The following MTSS1 variants were observed in gnomAD, a reference collection of about 807,000 sequenced individuals.
MTSS1 encodes MTSS I-BAR domain containing 1.
In MTSS1, 18 loss-of-function variants were observed where a neutral mutation model predicts 79.0. The ratio of observed to expected loss-of-function variants is 0.23; its 90% CI spans 0.16 to 0.34. The LOEUF is 0.34. Ranked by LOEUF, MTSS1 falls within the 10% of genes least tolerant of loss-of-function variation. The pLI is 1.00. For missense variants in MTSS1, 815 were observed against 986.2 expected (o/e 0.83, Z 2.33); for synonymous variants, 341 against 368.6 (o/e 0.93, Z 0.86).
intron 3 of MTSS1, among the ~76,000 whole-genome samples, chr8:124,624,772 G>T (rs1217637611): frequency 6.6e-6 from 1 of 152,220 alleles, no homozygotes; most frequent in African/African-American, 2.4e-5. Context: ...ATGCGAAACT[G>T]AAGCTGACTC....
rs59332225 is a variant in MTSS1, at chr8:124,656,781, CAAAAAAA to C, written c.208+42738_208+42744del. Reference sequence around the variant, plus strand: ...CAAAAGAGTGAGTGAGACTCCATCTCAAAAAAAAAAAAAAAAAAGAAAAAAGAAAAAA... The same window carrying C: ...CAAAAGAGTGAGTGAGACTCCATCTCAAAAAAAAAAAGAAAAAAGAAAAAA... On this transcript the variant is annotated intron_variant, in intron 3 of 13. Coordinates refer to ENST00000518547, the MANE Select transcript of MTSS1 (RefSeq NM_014751.6). Among the ~76,000 whole-genome samples the C allele has an allele frequency of 3.6e-3, 186 of 51,678 alleles. 1 individual carries two copies. The highest frequency in any genetic ancestry group is 9.5e-3 in the African/African-American group (167 of 17,584). The allele number at this position is 51,678 out of a possible 152,430, so 33.9% of individuals were successfully genotyped here. A position where few individuals can be genotyped will look rare whatever the true frequency, so the allele number is the denominator to read the frequency against.
chr8:124,579,939 C>A (rs1034435742), intron 6 of MTSS1: 10 of 152,386 alleles, frequency 6.6e-5, no homozygotes, highest in African/African-American at 2.4e-4. Context: ...TGAAGTTCAA[C>A]ATTCAGTCAA....
At chr8:124,555,928 C>G (rs748251738) in intron 12 of MTSS1, 24 bp from the exon 13 acceptor site, 1 of 1,581,666 alleles carries the variant, frequency 6.3e-7, no homozygotes, top group Non-Finnish European at 8.6e-7. Context: ...GAGAGAAATA[C>G]ACAGGTTGCT....
intron 3 of MTSS1, among the ~76,000 whole-genome samples, chr8:124,660,748 C>T (rs1355721664): frequency 2.0e-5 from 3 of 152,200 alleles, no homozygotes; most frequent in Admixed American, 6.5e-5. Context: ...GAATGTGGTA[C>T]AGCTTTCATG....
In MTSS1 at chr8:124,556,072, G is replaced by T. The variant is rs918086520; in HGVS notation, c.1404+160C>A. 4.5e-6 allele frequency: 7 copies of T among 1,543,396 alleles called. No homozygotes were observed. The African/African-American group carries it at 5.5e-5, about 12-fold the overall frequency. On this transcript the variant is annotated intron_variant, in intron 12 of 13. Coordinates refer to ENST00000518547, the MANE Select transcript of MTSS1 (RefSeq NM_014751.6). ...TCTGCCTCTCTCATTCCCACACAAG[G>T]TTTTTTTCCCAGGGACTTTGCTGTA...
At chr8:124,601,242 A>G (rs1204003700) in intron 3 of MTSS1, among the ~76,000 whole-genome samples, 1 of 151,876 alleles carries the variant, frequency 6.6e-6, no homozygotes, top group Admixed American at 6.6e-5. Flanking sequence ...TTGTATTTTT[A>G]GTAGAGACGG....
chr8:124,616,725 C>T (rs749465386), intron 3 of MTSS1, among the ~76,000 whole-genome samples: 1 of 152,180 alleles, frequency 6.6e-6, no homozygotes, highest in Non-Finnish European at 1.5e-5. Context: ...CCTAGACTGA[C>T]AGTATCAGGG....
chr8:124,593,058 G>A (rs1056541591), intron 3 of MTSS1, among the ~76,000 whole-genome samples: 3 of 152,232 alleles, frequency 2.0e-5, no homozygotes, highest in Admixed American at 6.5e-5. Flanking sequence ...AAGAGCAGGG[G>A]ATGCCACGGC....
chr8:124,689,848 A>G (rs1265864019), intron 3 of MTSS1, among the ~76,000 whole-genome samples: 4 of 151,698 alleles, frequency 2.6e-5, no homozygotes, highest in African/African-American at 4.8e-5. Context: ...ACTACAAGGT[A>G]TGTGTGTGTG....
At chr8:124,634,037 C>A (rs2133864324) in intron 3 of MTSS1, among the ~76,000 whole-genome samples, 1 of 152,148 alleles carries the variant, frequency 6.6e-6, no homozygotes, top group Middle Eastern at 3.4e-3. Flanking sequence ...CAATGACCCA[C>A]TCTAGGTGGC....
chr8:124,568,671 C>T, intron 6 of MTSS1, 135 bp from the exon 7 acceptor site: 2 of 1,481,780 alleles, frequency 1.3e-6, no homozygotes, highest in South Asian at 1.2e-5. Context: ...ATTCATGCCC[C>T]AAAAGGATTT....
At chr8:124,589,769 G>T in intron 4 of MTSS1, 58 bp from the exon 5 acceptor site, 1 of 1,230,538 alleles carries the variant, frequency 8.1e-7, no homozygotes, top group Non-Finnish European at 1.2e-6. Context: ...CTGTTGTCAG[G>T]ATTTAAATGT....
intron 3 of MTSS1, among the ~76,000 whole-genome samples, chr8:124,657,884 C>T (rs1821260399): frequency 6.6e-6 from 1 of 152,204 alleles, no homozygotes; most frequent in Admixed American, 6.5e-5. Context: ...CCAAAATTCT[C>T]ATGTTGAAAT....
At chr8:124,611,098 C>T (rs1011984436) in intron 3 of MTSS1, among the ~76,000 whole-genome samples, 1 of 141,698 alleles carries the variant, frequency 7.1e-6, no homozygotes, top group South Asian at 2.2e-4. Flanking sequence ...CACAAACCCA[C>T]CAGACAGACC....
intron 10 of MTSS1, among the ~76,000 whole-genome samples, chr8:124,562,350 G>A (rs569672586): frequency 1.1e-4 from 17 of 152,294 alleles, no homozygotes; most frequent in African/African-American, 3.8e-4. Context: ...ACCTGAGAGC[G>A]CCAAGGGATG....
rs527779398 is a variant in MTSS1 at position 124,641,524 on chromosome 8, C to T, written c.209-50289G>A. Among the ~76,000 whole-genome samples, 13 of 152,294 alleles carry T rather than the reference C, an allele frequency of 8.5e-5. No individual in the cohort carries two copies. In the South Asian group the frequency reaches 1.9e-3, roughly 22 times the overall value. On this transcript the variant is annotated intron_variant, in intron 3 of 13. Coordinates refer to ENST00000518547, the MANE Select transcript of MTSS1 (RefSeq NM_014751.6). The stretch of plus-strand genomic sequence containing the variant: ...ACATATGGAAAGTGCCCAGCCCAGG[C>T]CTTGGAACACAGAAATTACTCAATA...
chr8:124,556,262 T>C lies in MTSS1; in HGVS notation c.1374A>G (p.Pro458=), dbSNP rs755561232. The stretch of plus-strand genomic sequence containing the variant: ...TGGCAGCCGATACAGTCATGCTCCG[T>C]GGTCTCTGAGCCTCCTCAGCTGCTG... ...PPAAAEEAQR[P]RSMTVSAATR... Residue 458 remains proline (P), a synonymous_variant, in exon 12 of 14, where the codon CCA becomes CCG. Coordinates refer to ENST00000518547, the MANE Select transcript of MTSS1 (RefSeq NM_014751.6). The C allele has an allele frequency of 5.0e-6, 8 of 1,614,210 alleles. No homozygotes were observed. In the East Asian group the frequency reaches 1.6e-4, roughly 31 times the overall value.
intron 1 of MTSS1, among the ~76,000 whole-genome samples, chr8:124,726,357 G>T (rs1365715822): frequency 6.6e-6 from 1 of 152,196 alleles, no homozygotes; most frequent in East Asian, 1.9e-4. Context: ...GACTACAGTG[G>T]ACAGATCCGT....
chr8:124,692,379 A>C (rs13280183), intron 3 of MTSS1, among the ~76,000 whole-genome samples: 38,834 of 97,678 alleles, frequency 0.4, 5,235 homozygotes, highest in Middle Eastern at 0.44. Flanking sequence ...TTTTAAAAAG[A>C]AAAAAAAAAA....
Sources: gnomAD v4.1 joint callset for allele counts (sites outside exome capture counted in the v4.1 genomes callset) on GRCh38, gnomAD v4.1.1 for gene constraint, MANE v1.5 for transcripts, NCBI Gene and HGNC (gene_info 2026-07-23, HGNC 2026-07-21) for gene names.